Variants in DNAAF9 observed in about 807,000 individuals in gnomAD.
The protein encoded by DNAAF9 is dynein axonemal assembly factor 9.
Under a neutral mutation model 167.0 loss-of-function variants are expected in DNAAF9, and 90 were observed. The observed-to-expected ratio is 0.54, with a 90% confidence interval of 0.45 to 0.64. DNAAF9 has a LOEUF of 0.64. Ranked by LOEUF, DNAAF9 falls within the 30% of genes least tolerant of loss-of-function variation. The probability of loss-of-function intolerance (pLI) is 0.00; values close to 1 mark genes in which losing one functional copy is unlikely to be tolerated. For missense variants in DNAAF9, 1,315 were observed against 1,442.2 expected, an observed-to-expected ratio of 0.91 and a Z score of 1.43; for synonymous variants, 491 against 508.8, an observed-to-expected ratio of 0.96 and a Z score of 0.47.
intron 20 of DNAAF9, among the ~76,000 whole-genome samples, chr20:3,313,064 TA>T (rs1228617291): frequency 6.6e-6 from 1 of 152,248 alleles, no homozygotes; most frequent in South Asian, 2.1e-4. Flanking sequence ...GGCCCTCTGC[TA>T]AGAAGGTGCA....
intron 23 of DNAAF9, among the ~76,000 whole-genome samples, chr20:3,295,090 C>T (rs8114292): frequency 0.041 from 6,309 of 152,056 alleles, 189 homozygotes; most frequent in African/African-American, 0.085. Context: ...AGGATGGTCC[C>T]GATCTCCTGA....
chr20:3,262,330 A>G (rs2068406052), intron 31 of DNAAF9, among the ~76,000 whole-genome samples: 1 of 148,944 alleles, frequency 6.7e-6, no homozygotes, highest in Non-Finnish European at 1.5e-5. Context: ...GGCTTGCTGC[A>G]AGCTTCGCCT....
At position 3,381,493 on chromosome 20, in the gene DNAAF9, C is replaced by A; in HGVS notation, c.169G>T (p.Asp57Tyr). Reference protein sequence around the residue: ...PDGILCILGIDSRYNEGCREL... With the variant: ...PDGILCILGIYSRYNEGCREL... Reference sequence around the variant, plus strand: ...CTGCAGCCTTCATTGTACCTGCTATCGATTCCTGCAAGGCAAAGGAGGCTC... The same window carrying A: ...CTGCAGCCTTCATTGTACCTGCTATAGATTCCTGCAAGGCAAAGGAGGCTC... The change falls in exon 3 of 37, where the codon GAT becomes TAT. Residue 57 changes from aspartate to tyrosine, a missense_variant. Asp to Tyr is a radical substitution (Grantham distance 160). Around this residue, in one of 2 missense-constraint regions of DNAAF9, gnomAD observed 981 missense variants for 1,012.5 expected, o/e 0.97. Coordinates refer to ENST00000252032, the MANE Select transcript of DNAAF9 (RefSeq NM_001009984.3). 6.2e-7 allele frequency: 1 copy of A among 1,613,538 alleles called. No homozygotes were observed. The highest frequency in any genetic ancestry group is 8.5e-7 in the Non-Finnish European group (1 of 1,179,858).
At chr20:3,296,685 C>T in intron 23 of DNAAF9, 176 bp downstream of exon 23, 1 of 628,360 alleles carries the variant, frequency 1.6e-6, no homozygotes, top group South Asian at 2.0e-5. Flanking sequence ...ATGGCCCTCT[C>T]TTGCCTTCTA....
intron 1 of DNAAF9, among the ~76,000 whole-genome samples, chr20:3,402,630 T>C (rs977017093): frequency 3.3e-5 from 5 of 151,990 alleles, no homozygotes; most frequent in Admixed American, 1.3e-4. Flanking sequence ...CAGGCTGGAG[T>C]GCAGTGGCAT....
At chr20:3,332,898 GTGGT>G (rs1391330849) in intron 10 of DNAAF9, among the ~76,000 whole-genome samples, 1 of 111,724 alleles carries the variant, frequency 9.0e-6, no homozygotes, top group Admixed American at 8.4e-5. Context: ...GTGTGTGCGT[GTGGT>G]GTGTGTGTGT....
chr20:3,394,593 CTTTATTCCACTGGAATTT>C (rs1392663129), intron 1 of DNAAF9, among the ~76,000 whole-genome samples: 1 of 152,128 alleles, frequency 6.6e-6, no homozygotes, highest in African/African-American at 2.4e-5. Context: ...ACATTTAGTT[CTTTATTCCACTGGAATTT>C]TTTTACTTTC....
intron 6 of DNAAF9, chr20:3,362,344 A>G: frequency 1.5e-6 from 1 of 687,240 alleles, no homozygotes; most frequent in South Asian, 2.0e-5. Context: ...CTGTCGCTTG[A>G]AGCGGTTTAT....
chr20:3,377,468 CTT>C (rs111891802), intron 3 of DNAAF9, among the ~76,000 whole-genome samples: 4 of 144,012 alleles, frequency 2.8e-5, no homozygotes. Flanking sequence ...TGTTTTCTTT[CTT>C]TTTTTTTTTT....
At chr20:3,262,074 G>A (rs2068399753) in intron 31 of DNAAF9, among the ~76,000 whole-genome samples, 1 of 152,074 alleles carries the variant, frequency 6.6e-6, no homozygotes, top group African/African-American at 2.4e-5. Flanking sequence ...CCACGTGAGA[G>A]GGGAGTAATA....
intron 1 of DNAAF9, among the ~76,000 whole-genome samples, chr20:3,390,150 A>T (rs561253492): frequency 3.7e-4 from 57 of 152,286 alleles, no homozygotes; most frequent in Non-Finnish European, 6.8e-4. Flanking sequence ...TAGGTATGGC[A>T]ATGTTATCAT....
rs1488589577 is a variant in DNAAF9 at position 3,294,596 on chromosome 20, C to T, written c.2052G>A (p.Leu684=). Residue 684 remains leucine (L), a synonymous_variant, in exon 24 of 37, where the codon CTG becomes CTA. Transcript: ENST00000252032. ...HSSAQKLFSA[L]SQPAGEKRSS... is the part of the protein sequence containing the mutation. ...TCCGTTTCTCCCCAGCAGGCTGGCT[C>T]AGGGCACTGAAGAGCTTCTGTGCAC... 1 of 1,613,770 alleles carries T rather than the reference C, an allele frequency of 6.2e-7. No homozygotes were observed. Among genetic ancestry groups the T allele is most frequent in the Non-Finnish European group, 8.5e-7 (1 of 1,179,684 alleles).
Position 3,350,121 on chromosome 20 carries a change from TCAGACACA to T in DNAAF9, c.691-1506_691-1499del, listed in dbSNP as rs770198577. Reference sequence around the variant, plus strand: ...CATTGTCTACTTGCTGCCCAGACTATCAGACACACAGACACACAGACACACAGACACAC... The same window carrying T: ...CATTGTCTACTTGCTGCCCAGACTATCAGACACACAGACACACAGACACAC... On this transcript the variant is annotated intron_variant, in intron 7 of 36. Coordinates refer to ENST00000252032, the MANE Select transcript of DNAAF9 (RefSeq NM_001009984.3). Among the ~76,000 whole-genome samples the T allele has an allele frequency of 2.5e-3, 376 of 147,668 alleles. 3 individuals carry two copies. The highest frequency in any genetic ancestry group is 0.022 in the East Asian group (112 of 5,028).
At position 3,376,224 on chromosome 20, in the gene DNAAF9, A is replaced by G. The variant is rs989617182; in HGVS notation, c.362T>C (p.Val121Ala). 5 of 1,613,640 alleles carry G rather than the reference A, an allele frequency of 3.1e-6. No homozygotes were observed. Among genetic ancestry groups the G allele is most frequent in the Non-Finnish European group, 4.2e-6 (5 of 1,179,746 alleles). The change falls in exon 4 of 37, where the codon GTG becomes GCG. Residue 121 changes from valine to alanine, a missense_variant. Val to Ala is a moderately conservative substitution (Grantham distance 64). Coordinates refer to ENST00000252032, the MANE Select transcript of DNAAF9 (RefSeq NM_001009984.3). ...GAAATGCAGATTTCTCCAATGTGCCACATAAGGTAAGAGATAGCGAAAGTT... is the reference window on the plus strand; with the variant it reads ...GAAATGCAGATTTCTCCAATGTGCCGCATAAGGTAAGAGATAGCGAAAGTT... ...PVNFRYLLPY[V>A]AHWRNLHFHC...
At position 3,250,197 on chromosome 20, in the gene DNAAF9, C is replaced by T. The variant is rs1426396054; in HGVS notation, c.*2375G>A. 1 of 152,250 alleles carries T rather than the reference C, an allele frequency of 6.6e-6. No homozygotes were observed. Among genetic ancestry groups the T allele is most frequent in the East Asian group, 1.9e-4 (1 of 5,194 alleles). The allele number at this position is 152,250 out of a possible 1,614,324, so 9.4% of individuals were successfully genotyped here. A position where few individuals can be genotyped will look rare whatever the true frequency, so the allele number is the denominator to read the frequency against. ...GTCAAAAGCAGTGTCATGGCCATTC[C>T]TTTGGAAACAGCAGAAGACCCTGCT... On this transcript the variant is annotated 3_prime_UTR_variant, in exon 37 of 37. Transcript: ENST00000252032.
In DNAAF9 at chr20:3,256,298, AT is replaced by A. The variant is rs2068279540; in HGVS notation, c.3056-88del. On this transcript the variant is annotated intron_variant, in intron 33 of 36. Transcript: ENST00000252032. ...GACTGTGACAATGCAGATGGTTGGG[AT>A]AGATTCATGAGAAAATGCAAGAGAC... The A allele has an allele frequency of 8.2e-6, 8 of 971,496 alleles. No individual in the cohort carries two copies. The East Asian group carries it at 1.9e-4, about 24-fold the overall frequency. 60.2% of individuals were successfully genotyped at this position (971,496 alleles called of 1,614,324 possible). A position where few individuals can be genotyped will look rare whatever the true frequency, so the allele number is the denominator to read the frequency against.
intron 33 of DNAAF9, among the ~76,000 whole-genome samples, chr20:3,256,789 A>G (rs989223610): frequency 1.3e-5 from 2 of 152,224 alleles, no homozygotes; most frequent in Non-Finnish European, 2.9e-5. Flanking sequence ...GGTTGAGGAA[A>G]AGCAAAGAAA....
chr20:3,269,426 C>A (rs569599294), intron 30 of DNAAF9, among the ~76,000 whole-genome samples: 3 of 151,946 alleles, frequency 2.0e-5, no homozygotes, highest in Non-Finnish European at 4.4e-5. Flanking sequence ...TTTACCCAGG[C>A]TGGTCTTGAA....
At chr20:3,310,933 G>A (rs1462342142) in intron 20 of DNAAF9, among the ~76,000 whole-genome samples, 1 of 152,128 alleles carries the variant, frequency 6.6e-6, no homozygotes, top group African/African-American at 2.4e-5. Context: ...TCAAATACCT[G>A]TATGCTGCTG....
Sources: gnomAD v4.1 joint callset for allele counts (sites outside exome capture counted in the v4.1 genomes callset) on GRCh38, gnomAD v4.1.1 for gene constraint, gnomAD v4.1.1 regional missense constraint, MANE v1.5 for transcripts, NCBI Gene and HGNC (gene_info 2026-07-23, HGNC 2026-07-21) for gene names.